L3HYPDH: variants seen among roughly 807,000 people sequenced by gnomAD.
L3HYPDH encodes the protein trans-L-3-hydroxyproline dehydratase.
In L3HYPDH, 32 loss-of-function variants were observed where a neutral mutation model predicts 26.5. The observed-to-expected ratio is 1.21, with a 90% CI of 0.91 to 1.62. The LOEUF (loss-of-function observed/expected upper bound fraction) is 1.62. L3HYPDH is among the 40% of genes most tolerant of loss of function. The probability of loss-of-function intolerance (pLI) is 0.00; values close to 1 mark genes in which losing one functional copy is unlikely to be tolerated. For missense variants in L3HYPDH, 554 were observed against 476.4 expected, an observed-to-expected ratio of 1.16 and a Z score of -1.52; for synonymous variants, 215 against 196.6, an observed-to-expected ratio of 1.09 and a Z score of -0.78.
rs780406199 is a variant in L3HYPDH, at chr14:59,483,796, T to A, written c.508+13A>T. ...GCAGCTCTGCCCTGGGCTGGAAAGG[T>A]CCCGCCCATTACCTGTGGCCAGCAC... On this transcript the variant is annotated intron_variant, in intron 1 of 4. Coordinates refer to ENST00000247194, the MANE Select transcript of L3HYPDH (RefSeq NM_144581.2). The A allele has an allele frequency of 6.3e-7, 1 of 1,590,346 alleles. No individual in the cohort carries two copies. The highest frequency in any genetic ancestry group is 8.5e-7 in the Non-Finnish European group (1 of 1,175,810).
chr14:59,501,678 A>G, the L3HYPDH span, among the ~76,000 whole-genome samples: 1 of 152,176 alleles, frequency 6.6e-6, no homozygotes, highest in Admixed American at 6.5e-5. Context: ...TGTGCATTCC[A>G]TATCCTTCTG....
chr14:59,504,920 A>T, the L3HYPDH span: 184,355 of 187,706 alleles, frequency 0.98, 90,621 homozygotes, highest in East Asian at 1. Context: ...AGATACACAG[A>T]ATAAAAAGGG....
chr14:59,487,502 T>TA, upstream of L3HYPDH: 1 of 533,248 alleles, frequency 1.9e-6, no homozygotes, highest in Non-Finnish European at 3.3e-6. Flanking sequence ...ATATAGCACA[T>TA]ACAATATAGA....
chr14:59,475,895 A>G lies in L3HYPDH; in HGVS notation c.913T>C (p.Ser305Pro). The G allele has an allele frequency of 6.2e-7, 1 of 1,613,412 alleles. No homozygotes were observed. ...CTCACAGCTTTCCCTGTGAATACTG[A>G]GCCAGTTGCACTGCTTTTGAAGGCT... ...MRAFKSSATG[S>P]VFTGKAVREA... The change falls in exon 4 of 5, where the codon TCA (serine) becomes CCA (proline). Residue 305 changes from serine (S) to proline (P), a missense_variant. By Grantham distance (74) the Ser-to-Pro change is moderately conservative. Coordinates refer to ENST00000247194, the MANE Select transcript of L3HYPDH (RefSeq NM_144581.2).
At chr14:59,492,458 A>T in the L3HYPDH span, among the ~76,000 whole-genome samples, 2 of 152,336 alleles carry the variant, frequency 1.3e-5, no homozygotes, top group South Asian at 2.1e-4. Context: ...TCTTATAACA[A>T]TTCCATGAAC....
chr14:59,483,546 G>A, intron 1 of L3HYPDH: 1 of 1,396,828 alleles, frequency 7.2e-7, no homozygotes, highest in African/African-American at 1.5e-5. Flanking sequence ...AGAGGGAGGC[G>A]CTGAGTCAGG....
chr14:59,499,015 C>CTT, the L3HYPDH span: 317 of 127,244 alleles, frequency 2.5e-3, 38 homozygotes, highest in African/African-American at 6.6e-3. Flanking sequence ...TTGTTTAATC[C>CTT]TTTTTTTTTT....
rs1164439046 is a variant in L3HYPDH, at chr14:59,484,320, C to T, written c.-4G>A. 6.3e-7 allele frequency: 1 copy of T among 1,581,594 alleles called. No homozygotes were observed. ...GCACCGCCAGCGCGCTCTCCATGGTCTGCGTCGGGGGAGACGAGTACGGTC... is the reference window on the plus strand; with the variant it reads ...GCACCGCCAGCGCGCTCTCCATGGTTTGCGTCGGGGGAGACGAGTACGGTC... On this transcript the variant is annotated 5_prime_UTR_variant, in exon 1 of 5. Transcript: ENST00000247194.
In L3HYPDH at chr14:59,479,276, A is replaced by C; in HGVS notation, c.584T>G (p.Val195Gly). Residue 195 changes from valine to glycine, a missense_variant, in exon 2 of 5, where the codon GTT (valine) becomes GGT (glycine). Coordinates refer to ENST00000247194, the MANE Select transcript of L3HYPDH (RefSeq NM_144581.2). ...GTCTAGTCCTAACTTTTCAGCAGTA[A>C]CAAATGCATAAAATGCACCGCCATA... Reference protein sequence around the residue: ...IAYGGAFYAFVTAEKLGLDIC... With the variant: ...IAYGGAFYAFGTAEKLGLDIC... 1.2e-6 allele frequency: 2 copies of C among 1,613,924 alleles called. No homozygotes were observed. The highest frequency in any genetic ancestry group is 1.7e-6 in the Non-Finnish European group (2 of 1,179,946).
At chr14:59,475,773 A>C in intron 4 of L3HYPDH, 96 bp downstream of exon 4, 1 of 1,232,192 alleles carries the variant, frequency 8.1e-7, no homozygotes, top group Non-Finnish European at 1.1e-6. Context: ...TTCTCTTCTG[A>C]GAGCTGAGTG....
At chr14:59,496,812 G>C in the L3HYPDH span, among the ~76,000 whole-genome samples, 1 of 152,088 alleles carries the variant, frequency 6.6e-6, no homozygotes, top group Non-Finnish European at 1.5e-5. Context: ...TTGTAGAACA[G>C]CTTGCCTGCC....
the L3HYPDH span, chr14:59,500,969 C>A: frequency 6.5e-6 from 3 of 463,724 alleles, no homozygotes; most frequent in Non-Finnish European, 1.1e-5. Flanking sequence ...AACTGCAGAG[C>A]TGGGTAATCG....
intron 1 of L3HYPDH, 173 bp downstream of exon 1, chr14:59,483,636 C>T: frequency 1.2e-5 from 17 of 1,438,650 alleles, no homozygotes; most frequent in Non-Finnish European, 1.5e-5. Flanking sequence ...AAATTACACG[C>T]ACCAAATACG....
At chr14:59,487,030 A>C, upstream of L3HYPDH, among the ~76,000 whole-genome samples, 1 of 152,100 alleles carries the variant, frequency 6.6e-6, no homozygotes, top group East Asian at 1.9e-4. Flanking sequence ...GTGAAACCCC[A>C]TCTCTGCTAA....
chr14:59,466,310 A>AAAGGCAG (rs1889176866), intron 1 of L3HYPDH, among the ~76,000 whole-genome samples: 3 of 152,230 alleles, frequency 2.0e-5, no homozygotes, highest in Admixed American at 2.0e-4. Context: ...CGGGGAAAAG[A>AAAGGCAG]AAGGCAGGGC....
upstream of L3HYPDH, chr14:59,486,876 A>T: frequency 9.6e-7 from 1 of 1,041,056 alleles, no homozygotes; most frequent in African/African-American, 1.6e-5. Flanking sequence ...CACATACAAC[A>T]TTTTTTGTTA....
chr14:59,497,948 A>G, the L3HYPDH span, among the ~76,000 whole-genome samples: 1 of 152,214 alleles, frequency 6.6e-6, no homozygotes, highest in Non-Finnish European at 1.5e-5. Flanking sequence ...AATACTCAGG[A>G]AAATTAAGGT....
rs1476592210 is a variant in L3HYPDH, at chr14:59,472,812, T to C, written c.*153A>G. 1 of 573,044 alleles carries C rather than the reference T, an allele frequency of 1.7e-6. No homozygotes were observed. The highest frequency in any genetic ancestry group is 2.8e-6 in the Non-Finnish European group (1 of 361,848). The allele number at this position is 573,044 out of a possible 1,614,324, so 35.5% of individuals were successfully genotyped here. A position where few individuals can be genotyped will look rare whatever the true frequency, so the allele number is the denominator to read the frequency against. ...CAAATACAGTTGCAAATACGAGGTA[T>C]AATGACTTTATATTTAGCCACAGGG... On this transcript the variant is annotated 3_prime_UTR_variant, in exon 5 of 5. Coordinates refer to ENST00000247194, the MANE Select transcript of L3HYPDH (RefSeq NM_144581.2).
the L3HYPDH span, among the ~76,000 whole-genome samples, chr14:59,502,773 T>TGTTTTTTGTTTTTTTTTTTTTG: frequency 3.9e-5 from 4 of 102,836 alleles, 1 homozygote; most frequent in Non-Finnish European, 5.5e-5. Flanking sequence ...TTTTTTTTTT[T>TGTTTTTTGTTTTTTTTTTTTTG]CGGAGTCTCA....
Sources: allele counts gnomAD v4.1 joint callset (sites outside exome capture counted in the v4.1 genomes callset), GRCh38; gene constraint gnomAD v4.1.1; transcripts MANE v1.5; gene names NCBI Gene and HGNC (gene_info 2026-07-23, HGNC 2026-07-21).